CLCC1: variants seen among roughly 807,000 people sequenced by gnomAD.
CLCC1 encodes the protein chloride channel CLIC-like protein 1.
In CLCC1, 39 loss-of-function variants were observed where a neutral mutation model predicts 63.3. The observed-to-expected ratio is 0.62, with a 90% confidence interval of 0.48 to 0.81. CLCC1 has a LOEUF of 0.81. Ranked by LOEUF, CLCC1 falls within the 30% of genes least tolerant of loss-of-function variation. The pLI is 0.00. For missense variants in CLCC1, 549 were observed against 669.4 expected, an observed-to-expected ratio of 0.82 and a Z score of 1.98; for synonymous variants, 217 against 239.8, an observed-to-expected ratio of 0.90 and a Z score of 0.88.
In CLCC1 at chr1:108,954,537, C is replaced by T. The variant is rs575654793; in HGVS notation, c.-11-4089G>A. On this transcript the variant is annotated intron_variant, in intron 2 of 12. Transcript: ENST00000369969. The stretch of plus-strand genomic sequence containing the variant: ...AACCACCACCACCACCAGCACTAAG[C>T]GCACAGGAGGAGGAAAACCTGGATT... Among the ~76,000 whole-genome samples, 48 of 150,938 alleles carry T rather than the reference C, an allele frequency of 3.2e-4. No individual in the cohort carries two copies. In the South Asian group the frequency reaches 4.4e-3, roughly 14 times the overall value.
rs1318663504 is a variant in CLCC1 at position 108,943,498 on chromosome 1, A to T, written c.679T>A (p.Trp227Arg). 1 of 1,614,002 alleles carries T rather than the reference A, an allele frequency of 6.2e-7. No individual in the cohort carries two copies. The highest frequency in any genetic ancestry group is 8.5e-7 in the Non-Finnish European group (1 of 1,179,980). ...ACCTTATATAAATACATCCAATTCC[A>T]TCCCAAACTGAACAGAAAGCTGATG... Reference protein sequence around the residue: ...LIISFLFSLGWNWMYLYKLAF... With the variant: ...LIISFLFSLGRNWMYLYKLAF... The change falls in exon 7 of 13, where the codon TGG becomes AGG. Residue 227 changes from tryptophan (W) to arginine (R), a missense_variant. Trp to Arg is a moderately radical substitution (Grantham distance 101). Coordinates refer to ENST00000369969, the MANE Select transcript of CLCC1 (RefSeq NM_001377458.1).
At position 108,939,859 on chromosome 1, in the gene CLCC1, T is replaced by C. The variant is rs375319618; in HGVS notation, c.895-77A>G. 1.9e-5 allele frequency: 28 copies of C among 1,452,492 alleles called. No individual in the cohort carries two copies. The African/African-American group carries it at 3.4e-4, about 18-fold the overall frequency. 90.0% of individuals were successfully genotyped at this position (1,452,492 alleles called of 1,614,324 possible). ...GAATGCATCAAAATTCATTGAGTAC[T>C]GATGCTGAAAGTATGTTACATAAAT... is the stretch of plus-strand genomic sequence containing the variant. On this transcript the variant is annotated intron_variant, in intron 9 of 12. Transcript: ENST00000369969.
intron 10 of CLCC1, among the ~76,000 whole-genome samples, 194 bp from the exon 11 acceptor site, chr1:108,937,612 A>G (rs986790869): frequency 6.6e-6 from 1 of 152,212 alleles, no homozygotes; most frequent in African/African-American, 2.4e-5. Flanking sequence ...GTGGCCAATA[A>G]AACTTAATAA....
chr1:108,956,060 C>G (rs1481196169), intron 2 of CLCC1, among the ~76,000 whole-genome samples: 6 of 151,592 alleles, frequency 4.0e-5, no homozygotes, highest in Admixed American at 6.5e-5. Flanking sequence ...CTCACTGTCT[C>G]TCTGGAGAAT....
At chr1:108,939,898 T>C (rs978234480) in intron 9 of CLCC1, 116 bp from the exon 10 acceptor site, 21 of 1,329,328 alleles carry the variant, frequency 1.6e-5, no homozygotes, top group Non-Finnish European at 2.0e-5. Flanking sequence ...AATGCTGTTG[T>C]GCCATTTTTA....
At chr1:108,953,750 C>T (rs539125776) in intron 2 of CLCC1, among the ~76,000 whole-genome samples, 5 of 152,346 alleles carry the variant, frequency 3.3e-5, no homozygotes, top group Non-Finnish European at 5.9e-5. Flanking sequence ...GTAGCTCACG[C>T]CTGTGATCCC....
At chr1:108,956,401 C>T (rs1206889203) in intron 2 of CLCC1, among the ~76,000 whole-genome samples, 1 of 151,440 alleles carries the variant, frequency 6.6e-6, no homozygotes, top group Non-Finnish European at 1.5e-5. Flanking sequence ...GTGGCTCACA[C>T]CTGTAATCCC....
chr1:108,958,762 C>G (rs1412623002), intron 2 of CLCC1, among the ~76,000 whole-genome samples: 8 of 151,404 alleles, frequency 5.3e-5, no homozygotes, highest in Non-Finnish European at 4.4e-5. Flanking sequence ...CACCTGTAGT[C>G]CTGACTACTC....
In CLCC1 at chr1:108,960,363, A is replaced by G. The variant is rs192596394; in HGVS notation, c.-12+1946T>C. Among the ~76,000 whole-genome samples, 153 of 152,376 alleles carry G rather than the reference A, an allele frequency of 1.0e-3. 3 individuals are homozygous for G. The highest frequency in any genetic ancestry group is 9.5e-3 in the Admixed American group (146 of 15,304). On this transcript the variant is annotated intron_variant, in intron 2 of 12. Transcript: ENST00000369969. ...AAAACTAAGGAGGGACTTAATTTCAAGAAAGTGGTATCAAGCGTATTCAAT... is the reference window on the plus strand; with the variant it reads ...AAAACTAAGGAGGGACTTAATTTCAGGAAAGTGGTATCAAGCGTATTCAAT...
At chr1:108,953,853 A>G (rs1201386490) in intron 2 of CLCC1, among the ~76,000 whole-genome samples, 1 of 151,752 alleles carries the variant, frequency 6.6e-6, no homozygotes, top group Non-Finnish European at 1.5e-5. Context: ...TCTACTAAAA[A>G]TACAAAATTA....
chr1:108,933,797 T>C (rs2101604446), intron 12 of CLCC1: 1 of 152,348 alleles, frequency 6.6e-6, no homozygotes. Flanking sequence ...CACCCAACTC[T>C]CTTCTTCCTC....
intron 9 of CLCC1, 52 bp from the exon 10 acceptor site, chr1:108,939,834 G>T: frequency 6.4e-7 from 1 of 1,562,422 alleles, no homozygotes; most frequent in South Asian, 1.2e-5. Context: ...CTAAGGTACA[G>T]AATGCATCAA....
At chr1:108,949,264 C>G (rs76345235) in intron 4 of CLCC1, among the ~76,000 whole-genome samples, 3 of 152,198 alleles carry the variant, frequency 2.0e-5, no homozygotes, top group Admixed American at 1.3e-4. Flanking sequence ...ACCCTGCCTA[C>G]GCAGCCAACC....
chr1:108,938,614 T>C (rs12044219), intron 10 of CLCC1, among the ~76,000 whole-genome samples: 17,305 of 152,148 alleles, frequency 0.11, 1,057 homozygotes, highest in Middle Eastern at 0.14. Context: ...AAACACTGAA[T>C]AGACCATGGA....
intron 10 of CLCC1, among the ~76,000 whole-genome samples, chr1:108,937,932 C>T (rs967413109): frequency 6.6e-6 from 1 of 152,078 alleles, no homozygotes; most frequent in Non-Finnish European, 1.5e-5. Context: ...GCCCAGGGAC[C>T]CCCGGGGGAT....
chr1:108,943,464 C>T lies in CLCC1; in HGVS notation c.702+11G>A. The T allele has an allele frequency of 6.2e-7, 1 of 1,605,122 alleles. No individual in the cohort carries two copies. The highest frequency in any genetic ancestry group is 2.2e-5 in the East Asian group (1 of 44,836). On this transcript the variant is annotated intron_variant, in intron 7 of 12. Transcript: ENST00000369969. ...GTGTTAAAATTGTAAAACCCTCCAT[C>T]CATATAATACCTTATATAAATACAT...
intron 5 of CLCC1, among the ~76,000 whole-genome samples, chr1:108,944,971 A>C (rs1332309017): frequency 1.3e-5 from 2 of 152,220 alleles, no homozygotes; most frequent in African/African-American, 4.8e-5. Flanking sequence ...AACACCAATT[A>C]GCAAGTACTG....
At chr1:108,934,369 A>T in intron 12 of CLCC1, 1 of 326,638 alleles carries the variant, frequency 3.1e-6, no homozygotes, top group Non-Finnish European at 5.6e-6. Context: ...CCCAATTCAA[A>T]CTGGCCTCCT....
chr1:108,950,160 T>G, intron 3 of CLCC1, 149 bp downstream of exon 3: 1 of 843,506 alleles, frequency 1.2e-6, no homozygotes, highest in Non-Finnish European at 1.8e-6. Flanking sequence ...TTGAAATAAT[T>G]TTAGATTAAC....
Sources: allele counts gnomAD v4.1 joint callset (sites outside exome capture counted in the v4.1 genomes callset), GRCh38; gene constraint gnomAD v4.1.1; transcripts MANE v1.5; gene names NCBI Gene and HGNC (gene_info 2026-07-23, HGNC 2026-07-21).